Variants in RGS3 observed in about 807,000 individuals in gnomAD.
RGS3 encodes the protein regulator of G-protein signalling 3.
RGS3 carries 80 observed loss-of-function variants against 132.6 expected under a neutral mutation model. The ratio of observed to expected loss-of-function variants is 0.60; its 90% confidence interval spans 0.50 to 0.73. The LOEUF is 0.73. RGS3 is among the 30% of genes least tolerant of loss of function. RGS3 has a pLI of 0.00. For missense variants in RGS3, 1,382 were observed against 1,530.8 expected, an observed-to-expected ratio of 0.90 and a Z score of 1.62; for synonymous variants, 598 against 620.6, an observed-to-expected ratio of 0.96 and a Z score of 0.54.
Position 113,463,721 on chromosome 9 carries a change from C to G in RGS3, c.415+1520C>G, listed in dbSNP as rs1414216857. ...CCCTACCTCCCGCTCGCGCTCCTCCCGCCCTGGAGACTCCGGTTACTGGGG... is the reference window on the plus strand; with the variant it reads ...CCCTACCTCCCGCTCGCGCTCCTCCGGCCCTGGAGACTCCGGTTACTGGGG... On this transcript the variant is annotated intron_variant, in intron 3 of 24. Coordinates refer to ENST00000350696, the Ensembl canonical transcript of RGS3. The surrounding 1 kb of genome is among the most constrained non-coding windows in gnomAD (Gnocchi z 4.6). The G allele has an allele frequency of 1.6e-5, 24 of 1,479,368 alleles. No homozygotes were observed. Among genetic ancestry groups the G allele is most frequent in the East Asian group, 1.5e-4 (6 of 38,924 alleles). 91.6% of individuals were successfully genotyped at this position (1,479,368 alleles called of 1,614,324 possible). A position where few individuals can be genotyped will look rare whatever the true frequency, so the allele number is the denominator to read the frequency against.
intron 4 of RGS3, among the ~76,000 whole-genome samples, 195 bp downstream of exon 2, chr9:113,479,736 ATG>A (rs1276677449): frequency 6.6e-6 from 1 of 152,112 alleles, no homozygotes; most frequent in Non-Finnish European, 1.5e-5. Flanking sequence ...CCTGCCTTGG[ATG>A]TGTCTGGAGT....
At chr9:113,568,609 C>A (rs143152508) in intron 19 of RGS3, among the ~76,000 whole-genome samples, 7 of 152,236 alleles carry the variant, frequency 4.6e-5, no homozygotes, top group African/African-American at 1.7e-4. Context: ...GTTCCCCAGG[C>A]GCCTCTGGGC....
chr9:113,549,969 A>C (rs1381533456), intron 19 of RGS3, among the ~76,000 whole-genome samples: 1 of 151,956 alleles, frequency 6.6e-6, no homozygotes, highest in East Asian at 1.9e-4. Flanking sequence ...GCACCACTGC[A>C]CTCCAGCAGT....
Position 113,537,376 on chromosome 9 carries a change from A to G in RGS3, c.2037+458A>G, listed in dbSNP as rs1351592736. The stretch of plus-strand genomic sequence containing the variant: ...GTATAGTTCCATGTGGGCCAGAGCC[A>G]AGTAGAGCTGAGTGTGGACTGCTGG... On this transcript the variant is annotated intron_variant, in intron 19 of 24. Transcript: ENST00000350696. The surrounding 1 kb of genome is among the most constrained non-coding windows in gnomAD (Gnocchi z 4.3). Among the ~76,000 whole-genome samples the G allele has an allele frequency of 6.6e-6, 1 of 152,174 alleles. No homozygotes were observed. The highest frequency in any genetic ancestry group is 1.5e-5 in the Non-Finnish European group (1 of 68,024).
At chr9:113,511,225 G>C (rs1237733228) in intron 14 of RGS3, among the ~76,000 whole-genome samples, 1 of 152,218 alleles carries the variant, frequency 6.6e-6, no homozygotes, top group African/African-American at 2.4e-5. Context: ...GTGGCTGCCA[G>C]GGCTCGCCTC....
chr9:113,548,021 A>G (rs1196953836), intron 19 of RGS3, among the ~76,000 whole-genome samples: 1 of 152,224 alleles, frequency 6.6e-6, no homozygotes, highest in East Asian at 1.9e-4. Context: ...GAGGCCTGTA[A>G]TCAATACTTA....
intron 19 of RGS3, chr9:113,541,669 G>A (rs1197605647): frequency 1.8e-6 from 2 of 1,136,370 alleles, no homozygotes; most frequent in African/African-American, 3.2e-5. Flanking sequence ...AGAGGACTCA[G>A]AGGCTTCTTC....
intron 18 of RGS3, 74 bp downstream of exon 16, chr9:113,529,338 C>G: frequency 8.0e-7 from 1 of 1,252,946 alleles, no homozygotes; most frequent in Non-Finnish European, 1.2e-6. Context: ...GGGCTGGGAT[C>G]TAGACCAGTG....
intron 3 of RGS3, among the ~76,000 whole-genome samples, chr9:113,465,133 T>C (rs1829587465): frequency 6.6e-6 from 1 of 152,236 alleles, no homozygotes; most frequent in Non-Finnish European, 1.5e-5. Context: ...CAATTCCTGC[T>C]AACCCCATTG....
chr9:113,596,737 G>T (rs2119076529), intron 24 of RGS3, 31 bp from the exon 23 acceptor site: 1 of 1,586,038 alleles, frequency 6.3e-7, no homozygotes. Flanking sequence ...CCAGCAGGCA[G>T]CCCTGACCAT....
chr9:113,580,049 C>T (rs933528763), intron 19 of RGS3, among the ~76,000 whole-genome samples: 1 of 152,322 alleles, frequency 6.6e-6, no homozygotes, highest in East Asian at 1.9e-4. Flanking sequence ...CCGGAGCTCC[C>T]GTCAAACCAC....
At chr9:113,511,145 C>T (rs913641835) in intron 14 of RGS3, among the ~76,000 whole-genome samples, 16 of 152,218 alleles carry the variant, frequency 1.1e-4, no homozygotes, top group African/African-American at 3.9e-4. Flanking sequence ...CCCAGGGCTG[C>T]TGGTGCCCTT....
intron 9 of RGS3, 80 bp downstream of exon 7, chr9:113,497,484 T>A: frequency 8.5e-7 from 1 of 1,182,098 alleles, no homozygotes; most frequent in Non-Finnish European, 1.2e-6. Context: ...TCAGTACTGG[T>A]ATTTGGTGGC....
rs117561186 is a variant in RGS3, at chr9:113,478,691, A to G, written c.416-800A>G. 6.9e-4 allele frequency among the ~76,000 whole-genome samples: 105 copies of G among 152,220 alleles called. 1 individual carries two copies. The East Asian group carries it at 0.019, about 27-fold the overall frequency. ...GCTGGGCACCGTGGTTCATGCCTGT[A>G]GTCTCAGCTGCTTGGGAGGTTGAGG... On this transcript the variant is annotated intron_variant, in intron 3 of 24. Transcript: ENST00000350696.
chr9:113,518,814 G>A (rs1334989134), intron 16 of RGS3, among the ~76,000 whole-genome samples: 3 of 152,048 alleles, frequency 2.0e-5, no homozygotes, highest in African/African-American at 7.3e-5. Context: ...TCATCTGTTG[G>A]GAGGGATTTA....
intron 19 of RGS3, among the ~76,000 whole-genome samples, chr9:113,543,684 CT>C (rs1832992268): frequency 6.6e-6 from 1 of 152,214 alleles, no homozygotes; most frequent in South Asian, 2.1e-4. Flanking sequence ...ACCTGGTGAC[CT>C]ACCTCTGTCT....
At chr9:113,495,626 C>G (rs1830655989) in intron 7 of RGS3, among the ~76,000 whole-genome samples, 160 bp from the exon 6 acceptor site, 1 of 152,230 alleles carries the variant, frequency 6.6e-6, no homozygotes, top group South Asian at 2.1e-4. Context: ...TAGCTCCTCT[C>G]TATCCTGCCT....
chr9:113,493,710 AC>A (rs2119266030), intron 7 of RGS3, among the ~76,000 whole-genome samples: 1 of 152,174 alleles, frequency 6.6e-6, no homozygotes, highest in South Asian at 2.1e-4. Flanking sequence ...TTGGCAGGAT[AC>A]CCTGGAGAGC....
intron 8 of RGS3, among the ~76,000 whole-genome samples, chr9:113,496,374 C>T (rs573698236): frequency 9.2e-5 from 14 of 152,110 alleles, no homozygotes; most frequent in African/African-American, 1.2e-4. Context: ...TCAATTTCTA[C>T]GCTGCACTGG....
Sources: gnomAD v4.1 joint callset for allele counts (sites outside exome capture counted in the v4.1 genomes callset) on GRCh38, gnomAD v4.1.1 for gene constraint, Gnocchi (gnomAD v3.1) non-coding constraint, MANE v1.5 for transcripts, NCBI Gene and HGNC (gene_info 2026-07-23, HGNC 2026-07-21) for gene names.